ZNF362: variants seen among roughly 807,000 people sequenced by gnomAD.
ZNF362 encodes the protein zinc finger protein 362, also known as rotund homolog.
A neutral mutation model predicts 42.9 loss-of-function variants in ZNF362; 11 were observed. That is an observed-to-expected ratio of 0.26 (90% CI 0.16 to 0.42). ZNF362 has a LOEUF of 0.42. Ranked by LOEUF, ZNF362 falls within the 20% of genes least tolerant of loss-of-function variation. The probability of loss-of-function intolerance (pLI) is 1.00; values close to 1 mark genes in which losing one functional copy is unlikely to be tolerated. For missense variants in ZNF362, 362 were observed against 576.2 expected (o/e 0.63, Z 3.81); for synonymous variants, 255 against 257.3 (o/e 0.99, Z 0.09).
intron 6 of ZNF362, among the ~76,000 whole-genome samples, chr1:33,283,196 C>T (rs549150395): frequency 2.6e-5 from 4 of 152,100 alleles, no homozygotes; most frequent in African/African-American, 9.7e-5. Flanking sequence ...GTCATGATCT[C>T]GGATCACTGC....
the ZNF362 span, chr1:33,196,035 A>G: frequency 1.3e-5 from 2 of 151,972 alleles, no homozygotes; most frequent in African/African-American, 2.4e-5. Context: ...GCCTTTTTGT[A>G]TTTTTTAAAT....
chr1:33,237,062 T>C, the ZNF362 span, among the ~76,000 whole-genome samples: 3 of 152,022 alleles, frequency 2.0e-5, no homozygotes, highest in Non-Finnish European at 4.4e-5. Context: ...AGAGCGAGAT[T>C]CTGTCTCAAA....
intron 6 of ZNF362, among the ~76,000 whole-genome samples, chr1:33,293,040 C>T: frequency 6.6e-6 from 1 of 152,230 alleles, no homozygotes; most frequent in East Asian, 1.9e-4. Flanking sequence ...CCGTCCCTGC[C>T]CTCGGGATTC....
chr1:33,181,283 G>A, the ZNF362 span: 1 of 1,550,114 alleles, frequency 6.5e-7, no homozygotes, highest in Non-Finnish European at 8.7e-7. The surrounding 1 kb of genome is among the most constrained non-coding windows in gnomAD (Gnocchi z 6.5). Context: ...GGCACTCGGG[G>A]CAGTCGCGGG....
At chr1:33,130,103 C>T in the ZNF362 span, among the ~76,000 whole-genome samples, 2 of 152,202 alleles carry the variant, frequency 1.3e-5, no homozygotes, top group East Asian at 3.9e-4. Flanking sequence ...ACGTGATCCA[C>T]CTGCCTTGGC....
At chr1:33,236,067 C>G in the ZNF362 span, among the ~76,000 whole-genome samples, 1 of 152,084 alleles carries the variant, frequency 6.6e-6, no homozygotes, top group African/African-American at 2.4e-5. Context: ...CTGTGCAGCC[C>G]ACAGCAAGTG....
the ZNF362 span, among the ~76,000 whole-genome samples, chr1:33,219,239 G>A: frequency 6.6e-6 from 1 of 152,108 alleles, no homozygotes; most frequent in Non-Finnish European, 1.5e-5. Flanking sequence ...GGGTCCAGTG[G>A]TACCCACCTT....
chr1:33,250,732 G>A, the ZNF362 span, among the ~76,000 whole-genome samples: 2 of 150,256 alleles, frequency 1.3e-5, no homozygotes. Flanking sequence ...CATGTACCCT[G>A]GAACTGAAAA....
chr1:33,187,123 A>G, the ZNF362 span, among the ~76,000 whole-genome samples: 1 of 152,070 alleles, frequency 6.6e-6, no homozygotes, highest in African/African-American at 2.4e-5. Flanking sequence ...ATCCCACCCA[A>G]AGGGTGAGGG....
At chr1:33,279,047 T>C (rs1645971373) in intron 4 of ZNF362, among the ~76,000 whole-genome samples, 1 of 152,120 alleles carries the variant, frequency 6.6e-6, no homozygotes, top group African/African-American at 2.4e-5. Flanking sequence ...TTTTTAAGAG[T>C]AGGGTCTTGT....
At chr1:33,296,532 C>T (rs969259642) in intron 8 of ZNF362, among the ~76,000 whole-genome samples, 2 of 152,154 alleles carry the variant, frequency 1.3e-5, no homozygotes, top group Non-Finnish European at 2.9e-5. Context: ...TTTTGAAAGA[C>T]AGCAGGGAGG....
In ZNF362 at chr1:33,287,497, A is replaced by G. The variant is rs370465934; in HGVS notation, c.908+5686A>G. 3.3e-5 allele frequency among the ~76,000 whole-genome samples: 5 copies of G among 152,322 alleles called. No individual in the cohort carries two copies. The East Asian group carries it at 5.8e-4, about 18-fold the overall frequency. On this transcript the variant is annotated intron_variant, in intron 6 of 8. Transcript: ENST00000539719. Reference sequence around the variant, plus strand: ...ATCCTATCTAAACAAACAAACAACAAACAAACCAACCATTGTTTTGGGAGG... The same window carrying G: ...ATCCTATCTAAACAAACAAACAACAGACAAACCAACCATTGTTTTGGGAGG...
the ZNF362 span, among the ~76,000 whole-genome samples, chr1:33,245,423 T>C: frequency 1.3e-5 from 2 of 151,926 alleles, no homozygotes; most frequent in East Asian, 3.9e-4. Flanking sequence ...ACAAATGACA[T>C]AGGCTTGCTA....
chr1:33,297,291 C>A (rs1354460191), intron 8 of ZNF362, among the ~76,000 whole-genome samples: 1 of 152,152 alleles, frequency 6.6e-6, no homozygotes, highest in African/African-American at 2.4e-5. Context: ...CATCCATACT[C>A]CTATTTTTTG....
At chr1:33,140,903 C>T in the ZNF362 span, among the ~76,000 whole-genome samples, 111 of 152,270 alleles carry the variant, frequency 7.3e-4, no homozygotes, top group African/African-American at 2.6e-3. This position sits in a 1 kb window ranked among gnomAD's most constrained non-coding sequence, Gnocchi z 4.0. Flanking sequence ...CTCCAGGTTC[C>T]CAGGGGGTAG....
the ZNF362 span, among the ~76,000 whole-genome samples, chr1:33,138,292 C>T: frequency 6.6e-6 from 1 of 152,082 alleles, no homozygotes; most frequent in Non-Finnish European, 1.5e-5. Flanking sequence ...GAATAACAAT[C>T]TTTTATTAAG....
upstream of ZNF362, among the ~76,000 whole-genome samples, chr1:33,253,195 G>A (rs1319393143): frequency 6.8e-6 from 1 of 147,384 alleles, no homozygotes; most frequent in Non-Finnish European, 1.5e-5. Flanking sequence ...GAAGGTGGAT[G>A]GTGTGTTCAG....
chr1:33,200,803 G>C, the ZNF362 span, among the ~76,000 whole-genome samples: 1 of 152,148 alleles, frequency 6.6e-6, no homozygotes, highest in Non-Finnish European at 1.5e-5. Context: ...AAATCATAAA[G>C]TCCTAACCTC....
At chr1:33,253,040 A>G (rs928807525), upstream of ZNF362, among the ~76,000 whole-genome samples, 1 of 151,924 alleles carries the variant, frequency 6.6e-6, no homozygotes, top group African/African-American at 2.4e-5. Flanking sequence ...TGCCCTTTCT[A>G]TGTGAAGGAT....
Sources: allele counts gnomAD v4.1 joint callset (sites outside exome capture counted in the v4.1 genomes callset), GRCh38; gene constraint gnomAD v4.1.1; non-coding constraint Gnocchi (gnomAD v3.1); transcripts MANE v1.5; gene names NCBI Gene and HGNC (gene_info 2026-07-23, HGNC 2026-07-21).